The following GDAP1 variants were observed in gnomAD, a reference collection of about 807,000 sequenced individuals.
The protein encoded by GDAP1 is ganglioside-induced differentiation-associated protein 1.
In GDAP1, 34 loss-of-function variants were observed where a neutral mutation model predicts 40.1. The observed-to-expected ratio is 0.85, with a 90% CI of 0.64 to 1.13. The LOEUF (loss-of-function observed/expected upper bound fraction) is 1.13. Ranked by LOEUF, GDAP1 falls within the 50% of genes most tolerant of loss-of-function variation. The pLI is 0.00. For synonymous variants in GDAP1, 170 were observed against 157.4 expected (o/e 1.08, Z -0.60); for missense variants, 374 against 433.7 (o/e 0.86, Z 1.22).
chr8:74,446,191 A>T (rs944266440), intron 2 of GDAP1, among the ~76,000 whole-genome samples: 1 of 152,188 alleles, frequency 6.6e-6, no homozygotes, highest in Admixed American at 6.5e-5. Context: ...AATATTCTGG[A>T]GTCTTTTAAG....
chr8:74,391,032 C>T (rs1179838780), intron 2 of GDAP1, among the ~76,000 whole-genome samples: 1 of 152,146 alleles, frequency 6.6e-6, no homozygotes, highest in Non-Finnish European at 1.5e-5. Context: ...CACCCCTCGC[C>T]CCACCAAGCT....
chr8:74,376,347 C>CTT (rs374478811), intron 2 of GDAP1, among the ~76,000 whole-genome samples: 159 of 126,960 alleles, frequency 1.3e-3, no homozygotes, highest in Admixed American at 2.2e-3. Context: ...TTAGAGGGAT[C>CTT]TTTTTTTTTT....
At chr8:74,419,359 T>A (rs1474284728) in intron 2 of GDAP1, among the ~76,000 whole-genome samples, 1 of 152,200 alleles carries the variant, frequency 6.6e-6, no homozygotes. Flanking sequence ...AATGTCCTAT[T>A]GATACATGCA....
intron 2 of GDAP1, among the ~76,000 whole-genome samples, chr8:74,481,679 C>T (rs1161332742): frequency 6.6e-6 from 1 of 152,162 alleles, no homozygotes; most frequent in South Asian, 2.1e-4. Context: ...CAGATTTGCT[C>T]ATTACTCTGG....
At chr8:74,465,618 C>T (rs562038433) in intron 2 of GDAP1, among the ~76,000 whole-genome samples, 1 of 152,284 alleles carries the variant, frequency 6.6e-6, no homozygotes, top group African/African-American at 2.4e-5. Flanking sequence ...AACCTCAAGC[C>T]TCCAATTGCT....
chr8:74,426,872 G>A (rs1805953719), intron 2 of GDAP1, among the ~76,000 whole-genome samples: 1 of 151,972 alleles, frequency 6.6e-6, no homozygotes, highest in Admixed American at 6.6e-5. Flanking sequence ...TTTCTGTGTT[G>A]CCCTTACTCA....
chr8:74,393,042 A>G (rs1480659560), intron 2 of GDAP1, among the ~76,000 whole-genome samples: 1 of 152,224 alleles, frequency 6.6e-6, no homozygotes, highest in East Asian at 1.9e-4. Context: ...GTGAGTTATC[A>G]ATACCTAAAA....
intron 2 of GDAP1, among the ~76,000 whole-genome samples, chr8:74,443,566 TGA>T (rs1806188104): frequency 6.6e-6 from 1 of 152,150 alleles, no homozygotes; most frequent in Non-Finnish European, 1.5e-5. Flanking sequence ...CCTCAGAAGC[TGA>T]GGTTGGAGGA....
At chr8:74,417,880 C>T (rs1805804969) in intron 2 of GDAP1, among the ~76,000 whole-genome samples, 1 of 151,586 alleles carries the variant, frequency 6.6e-6, no homozygotes, top group South Asian at 2.1e-4. Context: ...ACATGAATAT[C>T]TATCCTACTT....
At chr8:74,486,971 T>C (rs952647050) in intron 2 of GDAP1, among the ~76,000 whole-genome samples, 1 of 152,132 alleles carries the variant, frequency 6.6e-6, no homozygotes, top group Non-Finnish European at 1.5e-5. Flanking sequence ...CTATCTCACT[T>C]ACTAACAAGC....
At chr8:74,413,630 C>T (rs1340052859) in intron 2 of GDAP1, among the ~76,000 whole-genome samples, 1 of 149,564 alleles carries the variant, frequency 6.7e-6, no homozygotes, top group African/African-American at 2.6e-5. Context: ...AAACAAGGGC[C>T]TGTAGGAGCC....
At chr8:74,471,056 G>A (rs1806546858) in intron 2 of GDAP1, among the ~76,000 whole-genome samples, 1 of 152,150 alleles carries the variant, frequency 6.6e-6, no homozygotes, top group Admixed American at 6.5e-5. Flanking sequence ...CTTCTTTTGA[G>A]AGGTGTCTGT....
downstream of GDAP1, among the ~76,000 whole-genome samples, chr8:74,371,235 G>T (rs1471521794): frequency 3.3e-5 from 5 of 152,190 alleles, no homozygotes; most frequent in Non-Finnish European, 7.4e-5. Flanking sequence ...TTTTTATGTT[G>T]CAGAGTATAT....
chr8:74,353,117 C>G (rs1162611591), intron 2 of GDAP1, among the ~76,000 whole-genome samples: 1 of 152,064 alleles, frequency 6.6e-6, no homozygotes. Context: ...AGAATAGTAA[C>G]AAAGCAGAAA....
intron 2 of GDAP1, among the ~76,000 whole-genome samples, chr8:74,397,199 GTTTT>G (rs144276375): frequency 6.9e-6 from 1 of 144,440 alleles, no homozygotes. Flanking sequence ...TTTTTGATGG[GTTTT>G]TTTTTTTTTT....
chr8:74,360,095 A>T (rs1425260329), intron 2 of GDAP1, 42 bp from the exon 3 acceptor site: 2 of 1,450,112 alleles, frequency 1.4e-6, no homozygotes, highest in South Asian at 2.3e-5. Context: ...GTAACAACTC[A>T]TGTGTAACTT....
chr8:74,402,388 G>GT (rs1368249332), intron 2 of GDAP1, among the ~76,000 whole-genome samples: 1 of 150,424 alleles, frequency 6.6e-6, no homozygotes, highest in East Asian at 1.9e-4. Flanking sequence ...CTGGTGCACC[G>GT]TTTTTTAAGC....
chr8:74,442,597 G>A (rs1315970200), intron 2 of GDAP1, among the ~76,000 whole-genome samples: 1 of 152,096 alleles, frequency 6.6e-6, no homozygotes, highest in Non-Finnish European at 1.5e-5. Context: ...ACAAACTCTT[G>A]GAGATTATTA....
At chr8:74,388,797 T>C (rs1810063544) in intron 2 of GDAP1, among the ~76,000 whole-genome samples, 1 of 152,194 alleles carries the variant, frequency 6.6e-6, no homozygotes, top group Non-Finnish European at 1.5e-5. Context: ...CTCTCATTAT[T>C]ATTGTGTGGG....
Sources: gnomAD v4.1 joint callset for allele counts (sites outside exome capture counted in the v4.1 genomes callset) on GRCh38, gnomAD v4.1.1 for gene constraint, MANE v1.5 for transcripts, NCBI Gene and HGNC (gene_info 2026-07-23, HGNC 2026-07-21) for gene names.